RPRD1A: variants seen among roughly 807,000 people sequenced by gnomAD.
RPRD1A encodes the protein regulation of nuclear pre-mRNA domain-containing protein 1A.
Under a neutral mutation model 37.8 loss-of-function variants are expected in RPRD1A, and 9 were observed. The observed-to-expected ratio is 0.24, with a 90% confidence interval of 0.14 to 0.42. The LOEUF (loss-of-function observed/expected upper bound fraction) is 0.42, where lower values mean the gene tolerates loss of function less well. Among genes scored for constraint, RPRD1A ranks in the 10% least tolerant of loss-of-function variants. The pLI, the probability that RPRD1A is intolerant of heterozygous loss-of-function variation, is 1.00. For missense variants in RPRD1A, 255 were observed against 371.0 expected (o/e 0.69, Z 2.57); for synonymous variants, 138 against 139.7 (o/e 0.99, Z 0.08).
At chr18:36,037,499 A>G (rs1280146912) in intron 1 of RPRD1A, among the ~76,000 whole-genome samples, 1 of 152,226 alleles carries the variant, frequency 6.6e-6, no homozygotes. Flanking sequence ...TCTTTCCTTT[A>G]TAAATTACCC....
chr18:36,021,671 G>C (rs1911003939), intron 6 of RPRD1A, among the ~76,000 whole-genome samples: 1 of 152,162 alleles, frequency 6.6e-6, no homozygotes, highest in African/African-American at 2.4e-5. Context: ...GCCAAGCTGT[G>C]AATGCAAAGG....
intron 6 of RPRD1A, among the ~76,000 whole-genome samples, chr18:36,008,539 G>A (rs572305856): frequency 5.6e-4 from 60 of 107,686 alleles, no homozygotes; most frequent in African/African-American, 1.9e-3. Context: ...TTGCACCATC[G>A]CACTCTAGCC....
At chr18:36,064,514 G>A (rs1786248) in intron 1 of RPRD1A, 78,269 of 152,108 alleles carry the variant, frequency 0.51, 22,659 homozygotes, top group Middle Eastern at 0.66. Flanking sequence ...ACCAATCAGT[G>A]CTCTGTGCCT....
chr18:36,058,543 G>A (rs376413218), intron 1 of RPRD1A, among the ~76,000 whole-genome samples: 2 of 152,026 alleles, frequency 1.3e-5, no homozygotes, highest in African/African-American at 2.4e-5. Flanking sequence ...AAACCTTAAC[G>A]TCACAGGAAA....
chr18:36,066,323 A>G (rs2144449620), intron 1 of RPRD1A, among the ~76,000 whole-genome samples: 1 of 152,374 alleles, frequency 6.6e-6, no homozygotes, highest in African/African-American at 2.4e-5. Context: ...AGGTTCAGTA[A>G]GCAAGCGTCT....
At chr18:36,054,068 C>T (rs944336040) in intron 1 of RPRD1A, among the ~76,000 whole-genome samples, 23 of 152,178 alleles carry the variant, frequency 1.5e-4, no homozygotes, top group Admixed American at 1.5e-3. Context: ...AAATGCCATT[C>T]AGTGACACTG....
intron 6 of RPRD1A, among the ~76,000 whole-genome samples, chr18:36,005,992 T>C (rs1169470191): frequency 1.3e-5 from 2 of 152,196 alleles, no homozygotes; most frequent in African/African-American, 4.8e-5. Flanking sequence ...AAAGACAGTA[T>C]GTTAACACTT....
chr18:36,011,912 T>C (rs1910204227), intron 6 of RPRD1A, among the ~76,000 whole-genome samples: 1 of 152,232 alleles, frequency 6.6e-6, no homozygotes, highest in Admixed American at 6.5e-5. Flanking sequence ...CATGAAAAGT[T>C]CTAGAAATAA....
At chr18:36,055,493 A>T (rs1032944967) in intron 1 of RPRD1A, among the ~76,000 whole-genome samples, 1 of 152,196 alleles carries the variant, frequency 6.6e-6, no homozygotes, top group Non-Finnish European at 1.5e-5. Flanking sequence ...ATTTCATGAT[A>T]CTCTTTAGAG....
chr18:36,063,126 T>C (rs565857349), intron 1 of RPRD1A: 2 of 152,342 alleles, frequency 1.3e-5, no homozygotes, highest in African/African-American at 4.8e-5. Context: ...GAAACCTTCA[T>C]AACTGAATGG....
intron 4 of RPRD1A, chr18:36,028,086 T>G (rs1911505760): frequency 6.6e-6 from 1 of 152,144 alleles, no homozygotes; most frequent in Admixed American, 6.5e-5. Flanking sequence ...AATTAAATTT[T>G]ATTTTTACTA....
chr18:36,010,092 TTAATA>T (rs1422996668), intron 6 of RPRD1A, among the ~76,000 whole-genome samples: 7 of 152,188 alleles, frequency 4.6e-5, no homozygotes, highest in African/African-American at 1.2e-4. Context: ...TGTTAGTTAT[TTAATA>T]TAAGGACAGA....
intron 6 of RPRD1A, among the ~76,000 whole-genome samples, chr18:36,001,920 T>A (rs1170242455): frequency 6.6e-6 from 1 of 152,208 alleles, no homozygotes; most frequent in Non-Finnish European, 1.5e-5. Context: ...TCTAAGTTGG[T>A]GGGTTTTTTC....
intron 1 of RPRD1A, among the ~76,000 whole-genome samples, chr18:36,038,456 G>A (rs1242199935): frequency 6.6e-6 from 1 of 152,256 alleles, no homozygotes; most frequent in Admixed American, 6.5e-5. Context: ...TTAAGGTTTG[G>A]GAACCTCCAC....
At chr18:36,060,403 C>T (rs2088884018) in intron 1 of RPRD1A, among the ~76,000 whole-genome samples, 1 of 151,910 alleles carries the variant, frequency 6.6e-6, no homozygotes, top group African/African-American at 2.4e-5. Flanking sequence ...CACTGCACTC[C>T]AGCCTGGGCA....
intron 6 of RPRD1A, 54 bp from the exon 7 acceptor site, chr18:35,993,354 C>T: frequency 6.3e-7 from 1 of 1,590,160 alleles, no homozygotes; most frequent in South Asian, 1.1e-5. Flanking sequence ...AACTTCCTAG[C>T]TAATAATGAC....
At chr18:36,027,797 T>C (rs1911480802) in intron 4 of RPRD1A, 1 of 152,918 alleles carries the variant, frequency 6.5e-6, no homozygotes, top group Non-Finnish European at 1.5e-5. Flanking sequence ...AGATTTCATT[T>C]CTAAATGCTG....
chr18:36,053,242 T>C (rs149872008), intron 1 of RPRD1A, among the ~76,000 whole-genome samples: 2 of 152,332 alleles, frequency 1.3e-5, no homozygotes, highest in East Asian at 1.9e-4. Context: ...TTTTAGTGCA[T>C]TTGTAAGGTT....
chr18:36,050,050 T>C (rs900963238), intron 1 of RPRD1A, among the ~76,000 whole-genome samples: 4 of 151,934 alleles, frequency 2.6e-5, no homozygotes, highest in African/African-American at 7.3e-5. Flanking sequence ...TTGATGTGCA[T>C]AGAGACAGAA....
Sources: gnomAD v4.1 joint callset for allele counts (sites outside exome capture counted in the v4.1 genomes callset) on GRCh38, gnomAD v4.1.1 for gene constraint, MANE v1.5 for transcripts, NCBI Gene and HGNC (gene_info 2026-07-23, HGNC 2026-07-21) for gene names.